The following PCDH9 variants were observed in gnomAD, a reference collection of about 807,000 sequenced individuals.
The protein encoded by PCDH9 is protocadherin-9.
A neutral mutation model predicts 70.6 loss-of-function variants in PCDH9; 24 were observed. That is an observed-to-expected ratio of 0.34 (90% CI 0.25 to 0.48). PCDH9 has a LOEUF of 0.48. Among genes scored for constraint, PCDH9 ranks in the 20% least tolerant of loss-of-function variants. PCDH9 has a pLI of 0.99. For missense variants in PCDH9, 1,281 were observed against 1,503.6 expected (o/e 0.85, Z 2.45); for synonymous variants, 562 against 558.5 (o/e 1.01, Z -0.09).
intron 4 of PCDH9, among the ~76,000 whole-genome samples, chr13:66,340,462 A>AT (rs1299413070): frequency 6.6e-6 from 1 of 152,196 alleles, no homozygotes; most frequent in Non-Finnish European, 1.5e-5. Flanking sequence ...CTAGATGTAG[A>AT]TTTTTAATCG....
intron 2 of PCDH9, among the ~76,000 whole-genome samples, chr13:67,035,211 C>T (rs1255208814): frequency 6.6e-6 from 1 of 152,050 alleles, no homozygotes; most frequent in Non-Finnish European, 1.5e-5. Context: ...TAAATACTGT[C>T]CAAAGTTTGC....
chr13:66,871,501 T>C (rs919072314), intron 3 of PCDH9, among the ~76,000 whole-genome samples: 2 of 152,044 alleles, frequency 1.3e-5, no homozygotes, highest in East Asian at 1.9e-4. Flanking sequence ...AAATTGAACA[T>C]AAAGCATAAG....
chr13:66,330,687 T>C (rs1955927960), intron 4 of PCDH9, among the ~76,000 whole-genome samples: 1 of 152,172 alleles, frequency 6.6e-6, no homozygotes, highest in Non-Finnish European at 1.5e-5. Context: ...AGTTAAAATA[T>C]AGATCTTACA....
Position 66,976,677 on chromosome 13 carries a change from G to A in PCDH9, c.3037-73072C>T, listed in dbSNP as rs181854542. ...AGGTAGAGCTAGGATCAGAACAAGC[G>A]CCTTTAGGTGGAAGTCAGGGTAGAT... On this transcript the variant is annotated intron_variant, in intron 2 of 4. Coordinates refer to ENST00000377865, the MANE Select transcript of PCDH9 (RefSeq NM_203487.3). Among the ~76,000 whole-genome samples the A allele has an allele frequency of 5.9e-5, 9 of 152,162 alleles. No homozygotes were observed. In the East Asian group the frequency reaches 7.7e-4, roughly 13 times the overall value.
chr13:66,442,792 T>C (rs1448181242), intron 4 of PCDH9, among the ~76,000 whole-genome samples: 1 of 152,196 alleles, frequency 6.6e-6, no homozygotes, highest in Non-Finnish European at 1.5e-5. Context: ...CCTCACATAG[T>C]GCCATTTGTT....
intron 2 of PCDH9, among the ~76,000 whole-genome samples, chr13:67,094,827 G>C (rs2086288753): frequency 3.3e-5 from 5 of 152,028 alleles, no homozygotes. Context: ...CCATGTTATT[G>C]TCACTGCCTT....
chr13:66,375,281 G>T (rs1425736494), intron 4 of PCDH9, among the ~76,000 whole-genome samples: 1 of 151,982 alleles, frequency 6.6e-6, no homozygotes, highest in African/African-American at 2.4e-5. Context: ...TCTGTAATTA[G>T]TAAAACTTAG....
intron 4 of PCDH9, among the ~76,000 whole-genome samples, chr13:66,384,072 A>G (rs1282673763): frequency 6.6e-6 from 1 of 152,144 alleles, no homozygotes; most frequent in African/African-American, 2.4e-5. Context: ...TTAACATATT[A>G]GTCATTATAC....
intron 4 of PCDH9, among the ~76,000 whole-genome samples, chr13:66,376,036 C>G (rs1011810166): frequency 2.0e-5 from 3 of 152,102 alleles, no homozygotes; most frequent in Non-Finnish European, 4.4e-5. Context: ...TGAAGTTAAA[C>G]AATTCAAAGT....
In PCDH9 at chr13:66,537,548, A is replaced by C. The variant is rs941227362; in HGVS notation, c.3340+93662T>G. 2.0e-5 allele frequency among the ~76,000 whole-genome samples: 3 copies of C among 152,034 alleles called. No individual in the cohort carries two copies. The South Asian group carries it at 6.3e-4, about 32-fold the overall frequency. ...GCATTCCAGGCAGAATTTGCTTTGC[A>C]CATTTGAAGAATAAAAGAAATCCTG... On this transcript the variant is annotated intron_variant, in intron 4 of 4. Transcript: ENST00000377865.
chr13:66,304,537 T>C lies in PCDH9; in HGVS notation c.*118A>G. On this transcript the variant is annotated 3_prime_UTR_variant, in exon 5 of 5. Coordinates refer to ENST00000377865, the MANE Select transcript of PCDH9 (RefSeq NM_203487.3). ...TATTCTCCATGGTGCTAACACAAAG[T>C]TATAGGTATCCCTGCTAGAAGGGGC... 1.3e-6 allele frequency: 1 copy of C among 770,132 alleles called. No homozygotes were observed. Among genetic ancestry groups the C allele is most frequent in the South Asian group, 1.7e-5 (1 of 58,614 alleles). The allele number at this position is 770,132 out of a possible 1,614,324, so 47.7% of individuals were successfully genotyped here. A position where few individuals can be genotyped will look rare whatever the true frequency, so the allele number is the denominator to read the frequency against.
At chr13:67,077,103 A>G (rs2085892621) in intron 2 of PCDH9, among the ~76,000 whole-genome samples, 1 of 152,166 alleles carries the variant, frequency 6.6e-6, no homozygotes, top group Non-Finnish European at 1.5e-5. Flanking sequence ...GACAGATCAC[A>G]GCCTTCTTCT....
At chr13:66,459,897 C>A (rs374225214) in intron 4 of PCDH9, among the ~76,000 whole-genome samples, 1 of 151,734 alleles carries the variant, frequency 6.6e-6, no homozygotes, top group African/African-American at 2.4e-5. Context: ...AGGAGATGTG[C>A]GACTGTATTT....
At chr13:66,921,133 A>G (rs566307241) in intron 2 of PCDH9, among the ~76,000 whole-genome samples, 3 of 151,180 alleles carry the variant, frequency 2.0e-5, no homozygotes, top group Non-Finnish European at 3.0e-5. Flanking sequence ...ATCTCTACCT[A>G]CAAGACTGAA....
Position 66,304,927 on chromosome 13 carries a change from A to G in PCDH9, c.3442T>C (p.Leu1148=). 6.2e-7 allele frequency: 1 copy of G among 1,613,540 alleles called. No individual in the cohort carries two copies. ...HSDNCWMPPG[L]GPYQHPKSPL... is the part of the protein sequence containing the mutation. ...GATTTGGGGTGTTGATATGGACCCA[A>G]GCCAGGAGGCATCCAGCAATTATCA... Residue 1148 remains leucine (L), a synonymous_variant, in exon 5 of 5, where the codon TTG becomes CTG. Coordinates refer to ENST00000377865, the MANE Select transcript of PCDH9 (RefSeq NM_203487.3).
chr13:67,076,534 G>T (rs144031080), intron 2 of PCDH9, among the ~76,000 whole-genome samples: 1 of 152,078 alleles, frequency 6.6e-6, no homozygotes, highest in Non-Finnish European at 1.5e-5. Context: ...GGCCGTGGGA[G>T]GACTAAGTGG....
Position 67,172,517 on chromosome 13 carries a change from G to C in PCDH9, c.3036+52888C>G, listed in dbSNP as rs149478022. Among the ~76,000 whole-genome samples, 347 of 152,212 alleles carry C rather than the reference G, an allele frequency of 2.3e-3. 6 individuals carry two copies. The highest frequency in any genetic ancestry group is 8.1e-3 in the African/African-American group (336 of 41,540). On this transcript the variant is annotated intron_variant, in intron 2 of 4. Transcript: ENST00000377865. ...GCTGCTGTTGGGACTATTCAAATTT[G>C]AGGGAACCTGAGAATTGAAGTGATA...
chr13:66,867,303 A>T (rs745748372), intron 3 of PCDH9, among the ~76,000 whole-genome samples: 2 of 152,148 alleles, frequency 1.3e-5, no homozygotes, highest in African/African-American at 2.4e-5. Flanking sequence ...GGTGATGTTT[A>T]TGGATGCAGA....
chr13:66,766,705 T>G (rs2079723298), intron 3 of PCDH9, among the ~76,000 whole-genome samples: 1 of 152,004 alleles, frequency 6.6e-6, no homozygotes, highest in Non-Finnish European at 1.5e-5. Flanking sequence ...CAGTCAAATC[T>G]ACTAACATTC....
Sources: gnomAD v4.1 joint callset for allele counts (sites outside exome capture counted in the v4.1 genomes callset) on GRCh38, gnomAD v4.1.1 for gene constraint, MANE v1.5 for transcripts, NCBI Gene and HGNC (gene_info 2026-07-23, HGNC 2026-07-21) for gene names.